Variants in FNDC7 observed in about 807,000 individuals in gnomAD.
The protein encoded by FNDC7 is fibronectin type III domain-containing protein 7.
FNDC7 carries 66 observed loss-of-function variants against 74.2 expected under a neutral mutation model. That is an observed-to-expected ratio of 0.89 (90% confidence interval 0.73 to 1.09). The LOEUF (loss-of-function observed/expected upper bound fraction) is 1.09, where lower values mean the gene tolerates loss of function less well. Ranked by LOEUF, FNDC7 falls within the 50% of genes least tolerant of loss-of-function variation. The pLI, the probability that FNDC7 is intolerant of heterozygous loss-of-function variation, is 0.00. For missense variants in FNDC7, 829 were observed against 893.4 expected (o/e 0.93, Z 0.92); for synonymous variants, 307 against 330.2 (o/e 0.93, Z 0.76).
At chr1:108,724,450 C>T (rs761117130) in intron 5 of FNDC7, among the ~76,000 whole-genome samples, 32 of 152,102 alleles carry the variant, frequency 2.1e-4, no homozygotes, top group Non-Finnish European at 4.0e-4. Context: ...GCATGAGAGG[C>T]TGCAGTTAGA....
chr1:108,730,389 G>A (rs1348661448), intron 8 of FNDC7, among the ~76,000 whole-genome samples: 1 of 149,650 alleles, frequency 6.7e-6, no homozygotes, highest in African/African-American at 2.5e-5. Flanking sequence ...GTTGAAGATG[G>A]GGGCAACAAA....
intron 11 of FNDC7, among the ~76,000 whole-genome samples, chr1:108,738,132 AG>A (rs1661557731): frequency 6.6e-6 from 1 of 152,188 alleles, no homozygotes; most frequent in Non-Finnish European, 1.5e-5. Context: ...GGCGATGCCG[AG>A]GCTGCTGGTC....
At chr1:108,738,141 G>A (rs1453276446) in intron 11 of FNDC7, among the ~76,000 whole-genome samples, 1 of 152,214 alleles carries the variant, frequency 6.6e-6, no homozygotes, top group Non-Finnish European at 1.5e-5. Context: ...GAGGCTGCTG[G>A]TCTGACCACA....
At chr1:108,713,109 A>G in intron 1 of FNDC7, 113 bp downstream of exon 1, 4 of 978,012 alleles carry the variant, frequency 4.1e-6, no homozygotes, top group Non-Finnish European at 6.1e-6. Context: ...AGAAATCAGA[A>G]TACTTTGGTT....
chr1:108,726,924 C>CTGGA (rs1661232174), intron 6 of FNDC7, among the ~76,000 whole-genome samples: 1 of 152,144 alleles, frequency 6.6e-6, no homozygotes, highest in South Asian at 2.1e-4. Context: ...TGGCCTTGAA[C>CTGGA]TGGATCTTGA....
intron 3 of FNDC7, among the ~76,000 whole-genome samples, chr1:108,718,256 G>A (rs746438649): frequency 2.0e-5 from 3 of 152,190 alleles, no homozygotes; most frequent in Non-Finnish European, 4.4e-5. Flanking sequence ...GCCCATTTCT[G>A]GGCATCTTTA....
intron 4 of FNDC7, 113 bp from the exon 5 acceptor site, chr1:108,722,222 T>C: frequency 9.1e-7 from 1 of 1,100,322 alleles, no homozygotes; most frequent in South Asian, 1.8e-5. Context: ...TGAACACTTG[T>C]AATTATCCAA....
intron 11 of FNDC7, among the ~76,000 whole-genome samples, chr1:108,740,462 G>T (rs1379521561): frequency 1.3e-5 from 2 of 151,620 alleles, no homozygotes; most frequent in Non-Finnish European, 1.5e-5. Flanking sequence ...TTAGTAGCTG[G>T]GATTACAGAT....
In FNDC7 at chr1:108,728,868, A is replaced by G. The variant is rs200591285; in HGVS notation, c.1606A>G (p.Ser536Gly). Residue 536 changes from serine to glycine, a missense_variant, in exon 8 of 13, where the codon AGT (serine) becomes GGT (glycine). Coordinates refer to ENST00000370017, the MANE Select transcript of FNDC7 (RefSeq NM_001144937.3). ...TQAGRSLPSY[S>G]VPLETVPCCP... ...GGCAGGACGGAGCCTGCCCAGCTACAGTGTGCCCCTGGAAACAGGTATGTA... is the reference window on the plus strand; with the variant it reads ...GGCAGGACGGAGCCTGCCCAGCTACGGTGTGCCCCTGGAAACAGGTATGTA... 2.8e-4 allele frequency: 458 copies of G among 1,613,974 alleles called. No individual in the cohort carries two copies. Among genetic ancestry groups the G allele is most frequent in the Non-Finnish European group, 2.0e-4 (240 of 1,179,976 alleles).
At chr1:108,736,831 T>C (rs1661526540) in intron 10 of FNDC7, among the ~76,000 whole-genome samples, 1 of 152,226 alleles carries the variant, frequency 6.6e-6, no homozygotes, top group Non-Finnish European at 1.5e-5. Context: ...TGATGTCTTA[T>C]TCTGATAATC....
At chr1:108,726,346 C>A (rs1661220233) in intron 6 of FNDC7, among the ~76,000 whole-genome samples, 1 of 152,212 alleles carries the variant, frequency 6.6e-6, no homozygotes. Flanking sequence ...GGAGGTCACT[C>A]TTTCCCTGAG....
chr1:108,716,959 A>G (rs1454242129), intron 2 of FNDC7, among the ~76,000 whole-genome samples: 1 of 152,154 alleles, frequency 6.6e-6, no homozygotes, highest in African/African-American at 2.4e-5. Context: ...GGAATTTTGT[A>G]AAGTAGTCAA....
chr1:108,715,654 C>T (rs930494034), intron 2 of FNDC7, among the ~76,000 whole-genome samples: 63 of 87,668 alleles, frequency 7.2e-4, no homozygotes, highest in African/African-American at 1.8e-3. Flanking sequence ...CACAAACATG[C>T]GCGTGCGTGC....
chr1:108,741,187 T>G (rs1451419257), intron 11 of FNDC7, among the ~76,000 whole-genome samples: 6 of 152,142 alleles, frequency 3.9e-5, no homozygotes, highest in Non-Finnish European at 2.9e-5. Flanking sequence ...TGCTGGAAAT[T>G]TGATGCAAGT....
chr1:108,741,893 T>G (rs1661658225), intron 12 of FNDC7, 32 bp from the exon 13 acceptor site: 2 of 1,343,552 alleles, frequency 1.5e-6, no homozygotes, highest in African/African-American at 2.9e-5. Context: ...TTTTTTGTCT[T>G]TGTTTAAAAT....
chr1:108,718,134 C>A, intron 3 of FNDC7, 103 bp downstream of exon 3: 1 of 1,416,192 alleles, frequency 7.1e-7, no homozygotes, highest in Non-Finnish European at 9.6e-7. Context: ...CACATGAGTG[C>A]CTACAATTCA....
chr1:108,728,899 C>T lies in FNDC7; in HGVS notation c.1624+13C>T, dbSNP rs1268348436. 1 of 1,609,264 alleles carries T rather than the reference C, an allele frequency of 6.2e-7. No individual in the cohort carries two copies. The highest frequency in any genetic ancestry group is 8.5e-7 in the Non-Finnish European group (1 of 1,176,310). ...CCCCTGGAAACAGGTATGTAGCAAC[C>T]ACCAGCCTGAATGTTGACTTCAGTG... On this transcript the variant is annotated intron_variant, in intron 8 of 12. Transcript: ENST00000370017.
intron 11 of FNDC7, 36 bp downstream of exon 11, chr1:108,737,560 A>T: frequency 1.3e-6 from 2 of 1,553,876 alleles, no homozygotes; most frequent in South Asian, 2.4e-5. Flanking sequence ...ATAGAACAGG[A>T]TTTTTGTTGC....
chr1:108,730,418 GA>G (rs34848956), intron 8 of FNDC7, among the ~76,000 whole-genome samples: 41,150 of 146,358 alleles, frequency 0.28, 6,871 homozygotes, highest in African/African-American at 0.47. Context: ...TTCTTATTCT[GA>G]AAAAAAAAAA....
Sources: allele counts gnomAD v4.1 joint callset (sites outside exome capture counted in the v4.1 genomes callset), GRCh38; gene constraint gnomAD v4.1.1; transcripts MANE v1.5; gene names NCBI Gene and HGNC (gene_info 2026-07-23, HGNC 2026-07-21).